Variants in CDC40 observed in about 807,000 individuals in gnomAD.
The protein encoded by CDC40 is pre-mRNA-processing factor 17.
CDC40 carries 27 observed loss-of-function variants against 80.6 expected under a neutral mutation model. The ratio of observed to expected loss-of-function variants is 0.33; its 90% CI spans 0.25 to 0.46. CDC40 has a LOEUF of 0.46. Among genes scored for constraint, CDC40 ranks in the 20% least tolerant of loss-of-function variants. The pLI is 1.00. For missense variants in CDC40, 486 were observed against 694.1 expected (o/e 0.70, Z 3.37); for synonymous variants, 221 against 232.6 (o/e 0.95, Z 0.45).
intron 13 of CDC40, among the ~76,000 whole-genome samples, chr6:110,228,414 T>C (rs183689418): frequency 7.2e-5 from 11 of 152,244 alleles, no homozygotes; most frequent in Non-Finnish European, 1.6e-4. Context: ...AACCCTAGGC[T>C]TTCTCACCCC....
Position 110,201,549 on chromosome 6 carries a change from A to G in CDC40, c.277-9A>G. On this transcript the variant is annotated splice_polypyrimidine_tract_variant and intron_variant, in intron 2 of 14. Transcript: ENST00000307731. ...ATTTTATTTTATTTTTTTTCTTGTAACATTGCAGTTTGGACCAGAAAATCC... is the reference window on the plus strand; with the variant it reads ...ATTTTATTTTATTTTTTTTCTTGTAGCATTGCAGTTTGGACCAGAAAATCC... The G allele has an allele frequency of 6.3e-7, 1 of 1,580,950 alleles. No individual in the cohort carries two copies. The highest frequency in any genetic ancestry group is 1.4e-5 in the African/African-American group (1 of 73,470).
At chr6:110,215,403 C>T in intron 9 of CDC40, 72 bp downstream of exon 9, 1 of 1,154,586 alleles carries the variant, frequency 8.7e-7, no homozygotes, top group Non-Finnish European at 1.3e-6. Flanking sequence ...TTGACAATAA[C>T]TTTACTACAC....
rs1255381860 is a variant in CDC40 at position 110,230,791 on chromosome 6, T to C, written c.*660T>C. ...CCTGATCAGTATAGACAGGACTATATATATTTAATCAGAGAATTACATTAT... is the reference window on the plus strand; with the variant it reads ...CCTGATCAGTATAGACAGGACTATACATATTTAATCAGAGAATTACATTAT... On this transcript the variant is annotated 3_prime_UTR_variant, in exon 15 of 15. Coordinates refer to ENST00000307731, the MANE Select transcript of CDC40 (RefSeq NM_015891.3). The C allele has an allele frequency of 6.6e-6, 1 of 152,152 alleles. No homozygotes were observed. Among genetic ancestry groups the C allele is most frequent in the Non-Finnish European group, 1.5e-5 (1 of 68,046 alleles). The allele number at this position is 152,152 out of a possible 1,614,324, so 9.4% of individuals were successfully genotyped here. A position where few individuals can be genotyped will look rare whatever the true frequency, so the allele number is the denominator to read the frequency against.
intron 2 of CDC40, among the ~76,000 whole-genome samples, chr6:110,197,083 C>G (rs1024863486): frequency 6.6e-6 from 1 of 152,154 alleles, no homozygotes. Context: ...CACCAATACT[C>G]TACCGACTGA....
At chr6:110,222,191 G>T (rs1039528422) in intron 12 of CDC40, among the ~76,000 whole-genome samples, 13 of 152,098 alleles carry the variant, frequency 8.5e-5, no homozygotes, top group African/African-American at 2.7e-4. Flanking sequence ...GGAGGTCAAG[G>T]CTGCCGTGGT....
chr6:110,210,616 G>T, intron 5 of CDC40, 91 bp from the exon 6 acceptor site: 4 of 430,604 alleles, frequency 9.3e-6, no homozygotes, highest in East Asian at 4.6e-5. Flanking sequence ...GACCAGATAT[G>T]TAGAAGTCAT....
Position 110,217,726 on chromosome 6 carries a change from T to C in CDC40, c.1013T>C (p.Ile338Thr). 6.3e-7 allele frequency: 1 copy of C among 1,599,330 alleles called. No individual in the cohort carries two copies. Among genetic ancestry groups the C allele is most frequent in the Non-Finnish European group, 8.6e-7 (1 of 1,166,706 alleles). ...GGTCACAGTAAGGCTGTTAGGGATA[T>C]CTGCTTCAATACTGCAGGAACACAG... ...FIGHSKAVRD[I>T]CFNTAGTQFL... The change falls in exon 10 of 15, where the codon ATC becomes ACC. Residue 338 changes from isoleucine (I) to threonine (T), a missense_variant. Physicochemically the swap from Ile to Thr is moderately conservative, Grantham distance 89. Coordinates refer to ENST00000307731, the MANE Select transcript of CDC40 (RefSeq NM_015891.3).
intron 12 of CDC40, among the ~76,000 whole-genome samples, chr6:110,221,975 G>C (rs950636018): frequency 6.6e-6 from 1 of 151,660 alleles, no homozygotes; most frequent in African/African-American, 2.4e-5. Flanking sequence ...CTGTAACTTG[G>C]CTGGGTGCAG....
At chr6:110,192,283 A>G (rs919084491) in intron 1 of CDC40, among the ~76,000 whole-genome samples, 1 of 152,230 alleles carries the variant, frequency 6.6e-6, no homozygotes, top group Non-Finnish European at 1.5e-5. Flanking sequence ...AGAGGACTTC[A>G]GAAGTGGTTG....
chr6:110,193,068 A>T (rs1777372228), intron 1 of CDC40, 114 bp from the exon 2 acceptor site: 2 of 581,634 alleles, frequency 3.4e-6, no homozygotes, highest in African/African-American at 1.9e-5. Flanking sequence ...TAATCATATG[A>T]TAAGTTATAA....
chr6:110,207,458 A>G (rs750028749), intron 3 of CDC40, 48 bp from the exon 4 acceptor site: 2 of 938,630 alleles, frequency 2.1e-6, no homozygotes, highest in East Asian at 4.8e-5. Flanking sequence ...AATAAAATGA[A>G]TTTAAACAGC....
At chr6:110,207,896 A>G (rs929446056) in intron 4 of CDC40, among the ~76,000 whole-genome samples, 3 of 152,250 alleles carry the variant, frequency 2.0e-5, no homozygotes, top group Admixed American at 6.5e-5. Context: ...ACTAATGTAT[A>G]GATAATTTTG....
At chr6:110,206,615 T>G (rs1777565698) in intron 3 of CDC40, among the ~76,000 whole-genome samples, 1 of 152,204 alleles carries the variant, frequency 6.6e-6, no homozygotes, top group Non-Finnish European at 1.5e-5. Flanking sequence ...TATCCTTCCT[T>G]CTCTTAAGGA....
chr6:110,219,379 G>T lies in CDC40; in HGVS notation c.1106G>T (p.Arg369Ile), dbSNP rs1202338750. The part of the protein sequence containing the change: ...WDTETGQCIS[R>I]FTNRKVPYCV... ...TTGGTTTTAGGACAGTGTATATCAA[G>T]ATTTACAAACCGAAAAGTACCTTAT... The change falls in exon 11 of 15, where the codon AGA becomes ATA. Residue 369 changes from arginine to isoleucine, a missense_variant. Arg to Ile is a moderately conservative substitution (Grantham distance 97). This residue lies in a region of CDC40 where 381 missense variants were observed against 492.1 expected (regional missense o/e 0.77). Transcript: ENST00000307731. The T allele has an allele frequency of 6.4e-7, 1 of 1,562,528 alleles. No homozygotes were observed. Among genetic ancestry groups the T allele is most frequent in the Non-Finnish European group, 8.8e-7 (1 of 1,134,742 alleles).
chr6:110,202,081 A>C (rs1016455358), intron 3 of CDC40, among the ~76,000 whole-genome samples: 1 of 152,182 alleles, frequency 6.6e-6, no homozygotes, highest in South Asian at 2.1e-4. Context: ...CTGTTTCTCA[A>C]ATCTTATCTT....
At position 110,222,373 on chromosome 6, in the gene CDC40, A is replaced by G. The variant is rs568328021; in HGVS notation, c.1340+2504A>G. Among the ~76,000 whole-genome samples, 4 of 152,262 alleles carry G rather than the reference A, an allele frequency of 2.6e-5. No individual in the cohort carries two copies. The East Asian group carries it at 5.8e-4, about 22-fold the overall frequency. ...GGAGTTCAAGGCCAGCCTGGCCAAC[A>G]TGGTAAAACCCCGTCTGTACTAAAA... On this transcript the variant is annotated intron_variant, in intron 12 of 14. Transcript: ENST00000307731.
At chr6:110,183,260 G>A (rs1021423961) in intron 1 of CDC40, among the ~76,000 whole-genome samples, 1 of 152,186 alleles carries the variant, frequency 6.6e-6, no homozygotes, top group Non-Finnish European at 1.5e-5. Context: ...GGGGTCCAGA[G>A]ACTGTTGTAT....
At chr6:110,223,072 T>G (rs2114672151) in intron 12 of CDC40, among the ~76,000 whole-genome samples, 1 of 152,308 alleles carries the variant, frequency 6.6e-6, no homozygotes, top group East Asian at 1.9e-4. Context: ...TCAAACTGAT[T>G]CCAAAGCTTG....
At chr6:110,220,091 G>A (rs992546817) in intron 12 of CDC40, among the ~76,000 whole-genome samples, 4 of 152,144 alleles carry the variant, frequency 2.6e-5, no homozygotes, top group African/African-American at 9.7e-5. Flanking sequence ...TCCAAAGGAT[G>A]TGTATCTTGA....
Sources: allele counts gnomAD v4.1 joint callset (sites outside exome capture counted in the v4.1 genomes callset), GRCh38; gene constraint gnomAD v4.1.1; regional missense constraint gnomAD v4.1.1; transcripts MANE v1.5; gene names NCBI Gene and HGNC (gene_info 2026-07-23, HGNC 2026-07-21).